The following DNAH3 variants were observed in gnomAD, a reference collection of about 807,000 sequenced individuals.
DNAH3 encodes the protein axonemal beta dynein heavy chain 3.
A neutral mutation model predicts 432.5 loss-of-function variants in DNAH3; 332 were observed. The ratio of observed to expected loss-of-function variants is 0.77; its 90% CI spans 0.70 to 0.84. The LOEUF (loss-of-function observed/expected upper bound fraction) is 0.84, where lower values mean the gene tolerates loss of function less well. DNAH3 is among the 40% of genes least tolerant of loss of function. The pLI is 0.00. For synonymous variants in DNAH3, 1,956 were observed against 1,900.2 expected (o/e 1.03, Z -0.76); for missense variants, 4,861 against 5,114.0 (o/e 0.95, Z 1.51).
At chr16:21,059,064 T>C (rs1467079321) in intron 26 of DNAH3, among the ~76,000 whole-genome samples, 4 of 152,228 alleles carry the variant, frequency 2.6e-5, no homozygotes, top group Non-Finnish European at 5.9e-5. Context: ...CATTTAAATA[T>C]TGTCTGATGC....
chr16:21,140,710 C>T, exon 5 of DNAH3: 1 of 1,613,840 alleles, frequency 6.2e-7, no homozygotes, highest in East Asian at 2.2e-5. Flanking sequence ...CCAACTTGAT[C>T]CTGAAAAGTA....
intron 23 of DNAH3, among the ~76,000 whole-genome samples, chr16:21,068,321 T>TGGTTG: frequency 2.3e-5 from 1 of 44,384 alleles, no homozygotes; most frequent in Non-Finnish European, 4.6e-5. Flanking sequence ...TACTTTTTTT[T>TGGTTG]GGGTGGGGGG....
At chr16:21,068,017 A>G (rs2090634882) in intron 23 of DNAH3, among the ~76,000 whole-genome samples, 1 of 152,166 alleles carries the variant, frequency 6.6e-6, no homozygotes, top group Admixed American at 6.5e-5. Context: ...CTAATAAAGA[A>G]TTGGCTTATG....
intron 4 of DNAH3, 82 bp downstream of exon 5, chr16:21,141,218 G>T: frequency 1.1e-6 from 1 of 911,964 alleles, no homozygotes; most frequent in Non-Finnish European, 1.7e-6. Context: ...AAGCCAAGAA[G>T]CAGAGTGTGG....
At chr16:21,094,886 T>C (rs2091634552) in intron 18 of DNAH3, among the ~76,000 whole-genome samples, 1 of 152,134 alleles carries the variant, frequency 6.6e-6, no homozygotes, top group Non-Finnish European at 1.5e-5. Flanking sequence ...TAAAGCTCAG[T>C]TCCCCTGCAC....
At chr16:21,030,915 T>C in intron 37 of DNAH3, 130 bp downstream of exon 37, 1 of 937,566 alleles carries the variant, frequency 1.1e-6, no homozygotes, top group South Asian at 1.7e-5. Flanking sequence ...CTGTGGGGCA[T>C]TTATTCTTAA....
At chr16:20,964,329 A>C (rs149786103) in exon 53 of DNAH3, 1 of 1,614,032 alleles carries the variant, frequency 6.2e-7, no homozygotes, top group Non-Finnish European at 8.5e-7. Context: ...CCTTCACGGC[A>C]ACTTCTGGGA....
intron 41 of DNAH3, among the ~76,000 whole-genome samples, chr16:21,012,680 C>T (rs2152703372): frequency 6.6e-6 from 1 of 152,292 alleles, no homozygotes; most frequent in South Asian, 2.1e-4. Context: ...CTTTATTCAA[C>T]AATAGAAGAC....
chr16:20,933,210 G>C, exon 62 of DNAH3: 1 of 1,614,242 alleles, frequency 6.2e-7, no homozygotes, highest in Non-Finnish European at 8.5e-7. Context: ...TGCTTCTGGG[G>C]CATGTCTGTT....
chr16:20,939,230 G>T (rs1200593534), intron 59 of DNAH3, among the ~76,000 whole-genome samples: 1 of 152,110 alleles, frequency 6.6e-6, no homozygotes, highest in East Asian at 1.9e-4. Flanking sequence ...TCATGCCAAG[G>T]TGTCTCACAA....
At chr16:20,983,367 C>T (rs1297603812) in intron 48 of DNAH3, among the ~76,000 whole-genome samples, 2 of 152,088 alleles carry the variant, frequency 1.3e-5, no homozygotes, top group Admixed American at 1.3e-4. Context: ...CTCAAGTGAT[C>T]TGCCCGCCTC....
At chr16:21,157,297 A>C (rs1368756340) in intron 1 of DNAH3, among the ~76,000 whole-genome samples, 1 of 149,656 alleles carries the variant, frequency 6.7e-6, no homozygotes, top group Non-Finnish European at 1.5e-5. Flanking sequence ...CCACAGCCAC[A>C]CTATTGCACC....
intron 38 of DNAH3, among the ~76,000 whole-genome samples, chr16:21,026,824 C>G (rs888518436): frequency 1.3e-5 from 2 of 151,636 alleles, no homozygotes; most frequent in African/African-American, 4.9e-5. Flanking sequence ...GTACCCCAAA[C>G]CCCCATGCCA....
chr16:20,965,290 TTGATAAACC>T, exon 53 of DNAH3: 1 of 1,613,524 alleles, frequency 6.2e-7, no homozygotes, highest in Non-Finnish European at 8.5e-7. Context: ...TTCCGGGTGA[TTGATAAACC>T]TTTCCCGGAT....
chr16:21,085,266 AG>A (rs2152778134), intron 19 of DNAH3, among the ~76,000 whole-genome samples: 1 of 152,258 alleles, frequency 6.6e-6, no homozygotes, highest in South Asian at 2.1e-4. Flanking sequence ...TATCCCAGCC[AG>A]GCACGGTGGC....
chr16:21,140,423 G>C (rs1433833760), intron 5 of DNAH3, 113 bp downstream of exon 6: 1 of 1,155,924 alleles, frequency 8.7e-7, no homozygotes, highest in Non-Finnish European at 1.2e-6. Context: ...CTAGACTTTG[G>C]TGTTTTTCAA....
intron 2 of DNAH3, among the ~76,000 whole-genome samples, chr16:21,145,642 G>A (rs2092773697): frequency 6.6e-6 from 1 of 152,228 alleles, no homozygotes; most frequent in African/African-American, 2.4e-5. Flanking sequence ...TTTGAGGCAG[G>A]TAATTGACAT....
At position 20,933,561 on chromosome 16, in the gene DNAH3, A is replaced by C. The variant is rs2083485029; in HGVS notation, c.11998-54T>G. 3 of 1,412,688 alleles carry C rather than the reference A, an allele frequency of 2.1e-6. No individual in the cohort carries two copies. The African/African-American group carries it at 4.3e-5, about 20-fold the overall frequency. The allele number at this position is 1,412,688 out of a possible 1,614,324, so 87.5% of individuals were successfully genotyped here. On this transcript the variant is annotated intron_variant, in intron 61 of 61. Transcript: ENST00000261383. ...TTGCCTGCCATTTTCCTACATGGGCAGCTTTAAGAGCCTGGAATCTTCTGA... is the reference window on the plus strand; with the variant it reads ...TTGCCTGCCATTTTCCTACATGGGCCGCTTTAAGAGCCTGGAATCTTCTGA...
chr16:21,061,023 G>A (rs2090339977), intron 25 of DNAH3, among the ~76,000 whole-genome samples: 1 of 151,022 alleles, frequency 6.6e-6, no homozygotes. Flanking sequence ...TTTTTCTGTA[G>A]AGCCGTGGTC....
Sources: allele counts gnomAD v4.1 joint callset (sites outside exome capture counted in the v4.1 genomes callset), GRCh38; gene constraint gnomAD v4.1.1; transcripts MANE v1.5; gene names NCBI Gene and HGNC (gene_info 2026-07-23, HGNC 2026-07-21).